DSCAM: variants seen among roughly 807,000 people sequenced by gnomAD.
The protein encoded by DSCAM is DS cell adhesion molecule, also known as cell adhesion molecule DSCAM.
A neutral mutation model predicts 217.7 loss-of-function variants in DSCAM; 47 were observed. That is an observed-to-expected ratio of 0.22 (90% CI 0.17 to 0.28). The LOEUF (loss-of-function observed/expected upper bound fraction) is 0.28. Among genes scored for constraint, DSCAM ranks in the 10% least tolerant of loss-of-function variants. The pLI, the probability that DSCAM is intolerant of heterozygous loss-of-function variation, is 1.00. For missense variants in DSCAM, 2,080 were observed against 2,618.3 expected (o/e 0.79, Z 4.49); for synonymous variants, 1,056 against 1,015.3 (o/e 1.04, Z -0.76).
At chr21:40,266,393 C>G (rs1443611706) in intron 11 of DSCAM, among the ~76,000 whole-genome samples, 1 of 151,998 alleles carries the variant, frequency 6.6e-6, no homozygotes, top group African/African-American at 2.4e-5. Flanking sequence ...CACTTACACA[C>G]TGCTGGTGGG....
chr21:40,320,668 C>A (rs1207642140), intron 8 of DSCAM, among the ~76,000 whole-genome samples: 1 of 152,156 alleles, frequency 6.6e-6, no homozygotes, highest in Non-Finnish European at 1.5e-5. Context: ...GCAAGTCCCA[C>A]CTTACATGGA....
At chr21:40,580,492 C>T (rs2076895968) in intron 3 of DSCAM, among the ~76,000 whole-genome samples, 1 of 151,532 alleles carries the variant, frequency 6.6e-6, no homozygotes, top group South Asian at 2.1e-4. Flanking sequence ...AAGATGGTGC[C>T]ACTGCACTAC....
At position 40,338,237 on chromosome 21, in the gene DSCAM, G is replaced by A. The variant is rs763654917; in HGVS notation, c.1647C>T (p.Arg549=). ...KNSNLLPFNH[R]QVAFENNGTL... The stretch of plus-strand genomic sequence containing the variant: ...TTCCATTGTTCTCAAATGCCACTTG[G>A]CGGTGGTTGAAAGGAAGCAGGTTAG... Residue 549 remains arginine, a synonymous_variant, in exon 8 of 33, where the codon CGC becomes CGT. Coordinates refer to ENST00000400454, the MANE Select transcript of DSCAM (RefSeq NM_001389.5). 32 of 1,614,126 alleles carry A rather than the reference G, an allele frequency of 2.0e-5. No individual in the cohort carries two copies. In the Admixed American group the frequency reaches 2.7e-4, roughly 13 times the overall value.
chr21:40,717,767 T>C (rs747835114), intron 1 of DSCAM, among the ~76,000 whole-genome samples: 1 of 152,244 alleles, frequency 6.6e-6, no homozygotes, highest in Non-Finnish European at 1.5e-5. Flanking sequence ...ACCACTAAAC[T>C]GTATGCTTTA....
At chr21:40,556,501 A>C (rs2076672927) in intron 3 of DSCAM, among the ~76,000 whole-genome samples, 1 of 152,190 alleles carries the variant, frequency 6.6e-6, no homozygotes. Context: ...CTGGGTAATA[A>C]TTCATAAAGA....
intron 3 of DSCAM, among the ~76,000 whole-genome samples, chr21:40,599,636 AC>A (rs1405509182): frequency 6.6e-6 from 1 of 152,206 alleles, no homozygotes; most frequent in Non-Finnish European, 1.5e-5. Context: ...AGATAGAGAC[AC>A]AAAAAATCCT....
At chr21:40,651,244 G>T (rs2090009675) in intron 3 of DSCAM, among the ~76,000 whole-genome samples, 2 of 152,168 alleles carry the variant, frequency 1.3e-5, no homozygotes, top group South Asian at 2.1e-4. Context: ...CTAGATTTGG[G>T]TTTTGAATCA....
intron 3 of DSCAM, among the ~76,000 whole-genome samples, chr21:40,454,693 C>T (rs541916607): frequency 1.6e-4 from 25 of 152,274 alleles, no homozygotes; most frequent in Middle Eastern, 6.8e-3. Context: ...TAGAAGTCGC[C>T]ACAAGAAGGT....
At chr21:40,081,915 A>G (rs2089468083) in intron 24 of DSCAM, among the ~76,000 whole-genome samples, 1 of 151,592 alleles carries the variant, frequency 6.6e-6, no homozygotes, top group Non-Finnish European at 1.5e-5. Context: ...TTCTTGTTCT[A>G]CCTCTCCCAT....
intron 3 of DSCAM, among the ~76,000 whole-genome samples, chr21:40,389,349 A>T (rs1353098365): frequency 6.6e-6 from 1 of 152,206 alleles, no homozygotes; most frequent in African/African-American, 2.4e-5. Context: ...ATAACAAAAA[A>T]GAGGACCGTT....
chr21:40,744,047 G>A (rs896650393), intron 1 of DSCAM, among the ~76,000 whole-genome samples: 1 of 152,190 alleles, frequency 6.6e-6, no homozygotes, highest in Admixed American at 6.5e-5. Context: ...ATTTCAGACT[G>A]TGCCACTCTC....
intron 3 of DSCAM, among the ~76,000 whole-genome samples, chr21:40,464,531 T>C (rs1026811559): frequency 3.3e-5 from 5 of 152,126 alleles, no homozygotes; most frequent in African/African-American, 4.8e-5. Flanking sequence ...ACAAGCACTG[T>C]CCAAGCAAAA....
rs2091322041 is a variant in DSCAM, at chr21:40,225,276, C to G, written c.2357-36038G>C. 2.6e-5 allele frequency among the ~76,000 whole-genome samples: 4 copies of G among 152,320 alleles called. No homozygotes were observed. In the South Asian group the frequency reaches 8.3e-4, roughly 32 times the overall value. On this transcript the variant is annotated intron_variant, in intron 11 of 32. Transcript: ENST00000400454. ...CTGTTTACAAGACCTGCCCCAACCA[C>G]TTGACCTTGACCATCATTTCACGGC... is the stretch of plus-strand genomic sequence containing the variant.
intron 8 of DSCAM, among the ~76,000 whole-genome samples, chr21:40,316,921 G>A (rs2074203409): frequency 1.3e-5 from 2 of 152,192 alleles, no homozygotes; most frequent in Admixed American, 1.3e-4. Context: ...TCCTAGAGAA[G>A]AGGCGTATAA....
At chr21:40,251,651 C>G (rs73225034) in intron 11 of DSCAM, among the ~76,000 whole-genome samples, 1 of 152,142 alleles carries the variant, frequency 6.6e-6, no homozygotes, top group South Asian at 2.1e-4. Flanking sequence ...AAGATAGCCC[C>G]CAGTGATCCT....
At chr21:40,308,026 A>G (rs576066108) in intron 9 of DSCAM, among the ~76,000 whole-genome samples, 16 of 152,134 alleles carry the variant, frequency 1.1e-4, no homozygotes, top group African/African-American at 3.6e-4. Flanking sequence ...TGGCACATGT[A>G]TACATATGTA....
intron 4 of DSCAM, among the ~76,000 whole-genome samples, chr21:40,354,181 G>A (rs531159896): frequency 5.3e-5 from 8 of 152,222 alleles, no homozygotes; most frequent in Admixed American, 5.2e-4. Flanking sequence ...ATTATGTATT[G>A]TATATTTCAA....
Position 40,039,972 on chromosome 21 carries a change from A to C in DSCAM, c.5686+2399T>G, listed in dbSNP as rs76160715. ...AGAGGGCATATAGGGAAAGAATGTG[A>C]TGTAAAAGCACAGCTCTAGGAGCTG... On this transcript the variant is annotated intron_variant, in intron 32 of 32. Transcript: ENST00000400454. 9.9e-4 allele frequency among the ~76,000 whole-genome samples: 151 copies of C among 152,360 alleles called. 2 individuals carry two copies. In the East Asian group the frequency reaches 0.026, roughly 27 times the overall value.
chr21:40,841,869 A>G (rs2092104614), intron 1 of DSCAM, among the ~76,000 whole-genome samples: 3 of 152,184 alleles, frequency 2.0e-5, no homozygotes, highest in South Asian at 4.1e-4. Flanking sequence ...GTTTCTAGAT[A>G]TTGCTGTGAA....
Sources: allele counts gnomAD v4.1 joint callset (sites outside exome capture counted in the v4.1 genomes callset), GRCh38; gene constraint gnomAD v4.1.1; transcripts MANE v1.5; gene names NCBI Gene and HGNC (gene_info 2026-07-23, HGNC 2026-07-21).